CTNNA3: variants seen among roughly 807,000 people sequenced by gnomAD.
CTNNA3 encodes the protein catenin alpha 3.
In CTNNA3, 76 loss-of-function variants were observed where a neutral mutation model predicts 95.7. The ratio of observed to expected loss-of-function variants is 0.79; its 90% CI spans 0.66 to 0.96. The LOEUF (loss-of-function observed/expected upper bound fraction) is 0.96. Ranked by LOEUF, CTNNA3 falls within the 40% of genes least tolerant of loss-of-function variation. The pLI, the probability that CTNNA3 is intolerant of heterozygous loss-of-function variation, is 0.00. For missense variants in CTNNA3, 1,191 were observed against 1,089.8 expected, an observed-to-expected ratio of 1.09 and a Z score of -1.31; for synonymous variants, 431 against 374.4, an observed-to-expected ratio of 1.15 and a Z score of -1.74.
intron 11 of CTNNA3, among the ~76,000 whole-genome samples, chr10:66,488,409 T>C (rs905374973): frequency 2.0e-5 from 3 of 152,114 alleles, no homozygotes; most frequent in African/African-American, 7.2e-5. Flanking sequence ...AGAGCCCACT[T>C]CTAAAATCCA....
intron 11 of CTNNA3, among the ~76,000 whole-genome samples, chr10:66,474,394 G>A (rs918027452): frequency 2.6e-5 from 4 of 151,960 alleles, no homozygotes; most frequent in African/African-American, 9.7e-5. Context: ...TTTTTTGAAT[G>A]GCTGAATAGT....
At chr10:67,637,548 A>G (rs1018549426) in intron 2 of CTNNA3, among the ~76,000 whole-genome samples, 7 of 152,196 alleles carry the variant, frequency 4.6e-5, no homozygotes, top group Non-Finnish European at 7.3e-5. Context: ...GAGCAACTCC[A>G]AGACACATAA....
At chr10:66,978,091 CAT>C (rs1419429757) in intron 7 of CTNNA3, among the ~76,000 whole-genome samples, 6 of 147,382 alleles carry the variant, frequency 4.1e-5, no homozygotes, top group African/African-American at 1.5e-4. Flanking sequence ...CACACACACA[CAT>C]GCGATGACGT....
chr10:66,149,625 A>T (rs1055578912), intron 13 of CTNNA3, among the ~76,000 whole-genome samples: 15 of 151,796 alleles, frequency 9.9e-5, no homozygotes, highest in Non-Finnish European at 8.8e-5. Context: ...CTTGATCACA[A>T]ATGATATTCT....
chr10:66,131,713 T>G (rs144811408), intron 13 of CTNNA3, among the ~76,000 whole-genome samples: 2 of 151,778 alleles, frequency 1.3e-5, no homozygotes, highest in Non-Finnish European at 2.9e-5. Context: ...CACAGACCAA[T>G]GGAATAGAGA....
chr10:66,241,811 A>T (rs1188215332), intron 13 of CTNNA3, among the ~76,000 whole-genome samples: 1 of 152,182 alleles, frequency 6.6e-6, no homozygotes, highest in Non-Finnish European at 1.5e-5. Flanking sequence ...AAATTAAAAT[A>T]TTAAAATAAC....
chr10:66,264,734 G>T (rs533299328), intron 13 of CTNNA3, among the ~76,000 whole-genome samples: 103 of 151,958 alleles, frequency 6.8e-4, no homozygotes, highest in African/African-American at 2.4e-3. Flanking sequence ...ATTACCTGTT[G>T]CCTGGAGAAA....
At chr10:66,075,992 T>A (rs72793453) in intron 14 of CTNNA3, among the ~76,000 whole-genome samples, 35,719 of 151,618 alleles carry the variant, frequency 0.24, 4,249 homozygotes, top group Admixed American at 0.26. Flanking sequence ...ATGATTTTTT[T>A]AATTTTATAA....
intron 9 of CTNNA3, among the ~76,000 whole-genome samples, chr10:66,708,339 T>C (rs1324701326): frequency 1.3e-5 from 2 of 152,048 alleles, no homozygotes; most frequent in Non-Finnish European, 2.9e-5. Context: ...TAGTTTCTTC[T>C]GAGACCTCTT....
chr10:67,155,949 A>T (rs1437447864), intron 7 of CTNNA3, among the ~76,000 whole-genome samples: 1 of 152,062 alleles, frequency 6.6e-6, no homozygotes, highest in Non-Finnish European at 1.5e-5. Context: ...GAAGTTTTTG[A>T]TTACTGATTC....
intron 17 of CTNNA3, among the ~76,000 whole-genome samples, chr10:65,936,482 T>C (rs1215621444): frequency 6.6e-6 from 1 of 152,122 alleles, no homozygotes; most frequent in Non-Finnish European, 1.5e-5. Context: ...AATTATACAT[T>C]ATTTGTTGGA....
intron 12 of CTNNA3, among the ~76,000 whole-genome samples, chr10:66,355,008 T>C (rs965138624): frequency 1.3e-5 from 2 of 152,148 alleles, no homozygotes; most frequent in Non-Finnish European, 2.9e-5. Context: ...ACTAATATTA[T>C]TTTTAAAGAA....
chr10:67,716,038 T>C (rs1841140862), intron 1 of CTNNA3, among the ~76,000 whole-genome samples: 2 of 152,222 alleles, frequency 1.3e-5, no homozygotes, highest in African/African-American at 4.8e-5. Context: ...TAAGGTACTC[T>C]GGATATGAAC....
intron 4 of CTNNA3, among the ~76,000 whole-genome samples, chr10:67,531,153 G>C (rs999724833): frequency 2.6e-5 from 4 of 152,190 alleles, no homozygotes; most frequent in African/African-American, 9.7e-5. Context: ...TGTGGTGTTG[G>C]AGCCCTCACA....
intron 1 of CTNNA3, among the ~76,000 whole-genome samples, chr10:67,675,607 C>T (rs982796370): frequency 6.6e-6 from 1 of 152,128 alleles, no homozygotes; most frequent in Admixed American, 6.5e-5. Context: ...ATGGCCAAGT[C>T]TAACTTTTCT....
chr10:66,669,158 A>G (rs1286330813), intron 9 of CTNNA3, among the ~76,000 whole-genome samples: 3 of 152,166 alleles, frequency 2.0e-5, no homozygotes, highest in Non-Finnish European at 4.4e-5. Flanking sequence ...GTGTTAACAC[A>G]GGTGTTCATT....
chr10:67,622,091 T>C (rs1384385381), intron 2 of CTNNA3, among the ~76,000 whole-genome samples: 1 of 152,184 alleles, frequency 6.6e-6, no homozygotes, highest in Non-Finnish European at 1.5e-5. Context: ...AAGTTAGATG[T>C]CCTGAAATAG....
chr10:67,012,347 C>G (rs1255674644), intron 7 of CTNNA3: 3 of 152,174 alleles, frequency 2.0e-5, no homozygotes, highest in African/African-American at 7.2e-5. Flanking sequence ...AGATGCCCAC[C>G]TACAGGTCAG....
At chr10:66,066,921 C>T (rs2080324605) in intron 15 of CTNNA3, among the ~76,000 whole-genome samples, 1 of 151,952 alleles carries the variant, frequency 6.6e-6, no homozygotes, top group Non-Finnish European at 1.5e-5. Context: ...TTTCATGTGG[C>T]AGGCAACCAT....
Sources: gnomAD v4.1 joint callset for allele counts (sites outside exome capture counted in the v4.1 genomes callset) on GRCh38, gnomAD v4.1.1 for gene constraint, MANE v1.5 for transcripts, NCBI Gene and HGNC (gene_info 2026-07-23, HGNC 2026-07-21) for gene names.